ATXN2: variants seen among roughly 807,000 people sequenced by gnomAD.
The protein encoded by ATXN2 is ataxin-2.
In ATXN2, 37 loss-of-function variants were observed where a neutral mutation model predicts 138.6. The ratio of observed to expected loss-of-function variants is 0.27; its 90% CI spans 0.21 to 0.35. ATXN2 has a LOEUF of 0.35. Among genes scored for constraint, ATXN2 ranks in the 10% least tolerant of loss-of-function variants. ATXN2 has a pLI of 1.00. For synonymous variants in ATXN2, 549 were observed against 543.7 expected (o/e 1.01, Z -0.13); for missense variants, 1,216 against 1,480.3 (o/e 0.82, Z 2.93).
At chr12:111,483,282 G>A (rs1275122085) in intron 18 of ATXN2, among the ~76,000 whole-genome samples, 6 of 145,270 alleles carry the variant, frequency 4.1e-5, no homozygotes, top group African/African-American at 1.0e-4. Flanking sequence ...ATTAATTCAG[G>A]AAAAATGAAA....
intron 1 of ATXN2, among the ~76,000 whole-genome samples, chr12:111,564,099 T>C (rs112398974): frequency 3.3e-5 from 5 of 152,120 alleles, no homozygotes; most frequent in African/African-American, 4.8e-5. Context: ...CAGAAGCACA[T>C]AGATATAGCC....
intron 1 of ATXN2, among the ~76,000 whole-genome samples, chr12:111,588,609 G>A (rs1267167149): frequency 2.0e-5 from 3 of 151,478 alleles, no homozygotes; most frequent in South Asian, 2.1e-4. Flanking sequence ...GTGACAGAGC[G>A]AGACTCCGTC....
Position 111,552,489 on chromosome 12 carries a change from A to T in ATXN2, c.421-59T>A. The T allele has an allele frequency of 6.5e-7, 1 of 1,532,270 alleles. No individual in the cohort carries two copies. The highest frequency in any genetic ancestry group is 1.8e-4 in the Middle Eastern group (1 of 5,708). The allele number at this position is 1,532,270 out of a possible 1,614,324, so 94.9% of individuals were successfully genotyped here. On this transcript the variant is annotated intron_variant, in intron 4 of 24. Transcript: ENST00000673436. The surrounding 1 kb of genome is among the most constrained non-coding windows in gnomAD (Gnocchi z 4.1). ...CTTTACAAAATAAAATTTGTTAGGA[A>T]TTCTTTAGCTCATCAAGGTACCAGT...
chr12:111,521,567 G>A (rs1325971169), intron 6 of ATXN2, among the ~76,000 whole-genome samples: 1 of 152,132 alleles, frequency 6.6e-6, no homozygotes, highest in Non-Finnish European at 1.5e-5. Context: ...GCATGAAACG[G>A]TGAACAGGCA....
intron 5 of ATXN2, among the ~76,000 whole-genome samples, chr12:111,549,329 C>A (rs1034241422): frequency 6.6e-6 from 1 of 151,878 alleles, no homozygotes; most frequent in African/African-American, 2.4e-5. Context: ...GAAAACCATG[C>A]GGCCTGGCCA....
At chr12:111,507,982 A>T (rs986842313) in intron 14 of ATXN2, among the ~76,000 whole-genome samples, 2 of 152,144 alleles carry the variant, frequency 1.3e-5, no homozygotes, top group African/African-American at 2.4e-5. Context: ...AAGAGTCATC[A>T]CCACTCCCTA....
At chr12:111,588,990 T>TAAA (rs1884491775) in intron 1 of ATXN2, among the ~76,000 whole-genome samples, 2 of 6,602 alleles carry the variant, frequency 3.0e-4, no homozygotes, top group Non-Finnish European at 1.5e-3. Context: ...GCGAGATTTC[T>TAAA]CAAAAAAAAA....
intron 1 of ATXN2, among the ~76,000 whole-genome samples, chr12:111,576,085 A>ATAACATAAC (rs1883624031): frequency 2.4e-5 from 3 of 123,390 alleles, no homozygotes; most frequent in South Asian, 2.6e-4. Context: ...TCTGTCTTAA[A>ATAACATAAC]ATAACATAAC....
chr12:111,553,032 GA>G, intron 3 of ATXN2, 55 bp from the exon 4 acceptor site: 1 of 1,194,812 alleles, frequency 8.4e-7, no homozygotes, highest in Non-Finnish European at 1.2e-6. Flanking sequence ...GGTCACCAGG[GA>G]TATTTGTTTT....
At chr12:111,542,643 T>A (rs1482762036) in intron 5 of ATXN2, among the ~76,000 whole-genome samples, 2 of 152,138 alleles carry the variant, frequency 1.3e-5, no homozygotes, top group East Asian at 3.9e-4. Flanking sequence ...ATTTTTGTAC[T>A]TTTTGTAGAG....
intron 5 of ATXN2, among the ~76,000 whole-genome samples, chr12:111,531,004 G>C (rs1198503032): frequency 6.6e-5 from 10 of 152,078 alleles, no homozygotes; most frequent in Admixed American, 6.5e-4. Flanking sequence ...TGTAATCCCA[G>C]CTGCTCGGGA....
chr12:111,587,073 C>CAAAAAAA (rs374631048), intron 1 of ATXN2, among the ~76,000 whole-genome samples: 3 of 112,878 alleles, frequency 2.7e-5, no homozygotes, highest in African/African-American at 3.1e-5. Context: ...CCATTTCTAC[C>CAAAAAAA]AAAAAAAAAA....
intron 18 of ATXN2, chr12:111,471,828 C>A (rs1240940829): frequency 6.6e-6 from 1 of 152,022 alleles, no homozygotes; most frequent in African/African-American, 2.4e-5. Flanking sequence ...ATTATGCTAA[C>A]TGAGCTTAAA....
chr12:111,526,765 C>G (rs1328265000), intron 5 of ATXN2, among the ~76,000 whole-genome samples: 1 of 152,152 alleles, frequency 6.6e-6, no homozygotes, highest in East Asian at 1.9e-4. Context: ...GTACTTGCAG[C>G]CAAATATATG....
chr12:111,455,364 A>T, intron 23 of ATXN2: 1 of 481,336 alleles, frequency 2.1e-6, no homozygotes, highest in Non-Finnish European at 3.8e-6. Flanking sequence ...AACCACTGAG[A>T]TGGCAAGCAC....
intron 5 of ATXN2, among the ~76,000 whole-genome samples, chr12:111,529,970 A>G (rs998655519): frequency 6.6e-6 from 1 of 152,198 alleles, no homozygotes; most frequent in Non-Finnish European, 1.5e-5. Context: ...ATCCTCAGCT[A>G]ACCATTTCTT....
intron 12 of ATXN2, 78 bp downstream of exon 12, chr12:111,510,307 A>T: frequency 6.9e-7 from 1 of 1,450,648 alleles, no homozygotes; most frequent in East Asian, 2.3e-5. Flanking sequence ...ATAACCTAGA[A>T]TTTTTTCATA....
rs916565548 is a variant in ATXN2, at chr12:111,598,648, G to A, written c.251+136C>T. The A allele has an allele frequency of 2.3e-5, 21 of 910,830 alleles. No individual in the cohort carries two copies. In the African/African-American group the frequency reaches 3.6e-4, roughly 16 times the overall value. 56.4% of individuals were successfully genotyped at this position (910,830 alleles called of 1,614,324 possible). A position where few individuals can be genotyped will look rare whatever the true frequency, so the allele number is the denominator to read the frequency against. ...GCCGAGCCTCGGGGCTCAGGCCCGA[G>A]CGAGTCTCCCCCGCGCTGCCGGCCC... On this transcript the variant is annotated intron_variant, in intron 1 of 24. Transcript: ENST00000673436. This position sits in a 1 kb window ranked among gnomAD's most constrained non-coding sequence, Gnocchi z 4.5.
At chr12:111,467,437 C>A (rs1295369149) in intron 20 of ATXN2, among the ~76,000 whole-genome samples, 1 of 147,462 alleles carries the variant, frequency 6.8e-6, no homozygotes, top group Non-Finnish European at 1.5e-5. Flanking sequence ...TTACAGGTGT[C>A]AGCCACCATG....
Sources: allele counts gnomAD v4.1 joint callset (sites outside exome capture counted in the v4.1 genomes callset), GRCh38; gene constraint gnomAD v4.1.1; non-coding constraint Gnocchi (gnomAD v3.1); transcripts MANE v1.5; gene names NCBI Gene and HGNC (gene_info 2026-07-23, HGNC 2026-07-21).